Variants in MYCBP2 observed in about 807,000 individuals in gnomAD.
MYCBP2 encodes MYC binding protein 2, also known as E3 ubiquitin-protein ligase MYCBP2.
In MYCBP2, 120 loss-of-function variants were observed where a neutral mutation model predicts 525.3. That is an observed-to-expected ratio of 0.23 (90% CI 0.20 to 0.27). The LOEUF is 0.27. Ranked by LOEUF, MYCBP2 falls within the 10% of genes least tolerant of loss-of-function variation. The pLI is 1.00. For synonymous variants in MYCBP2, 1,894 were observed against 1,955.8 expected (o/e 0.97, Z 0.83); for missense variants, 4,149 against 5,657.1 (o/e 0.73, Z 8.55).
chr13:77,049,408 A>G (rs1430830560), intron 82 of MYCBP2, among the ~76,000 whole-genome samples: 1 of 152,086 alleles, frequency 6.6e-6, no homozygotes, highest in Non-Finnish European at 1.5e-5. Flanking sequence ...TTTGAAATGG[A>G]TAGTATATGT....
In MYCBP2 at chr13:77,174,314, T is replaced by C. The variant is rs2059412397; in HGVS notation, c.5648A>G (p.Tyr1883Cys). ...TTATCTCTATACATTCACCCACCTA[T>C]AGTAGAGTATCTGTGGGATCTGTCC... Reference protein sequence around the residue: ...TRGQIPQILYYRSEFDGDLQS... With the variant: ...TRGQIPQILYCRSEFDGDLQS... The change falls in exon 37 of 83, where the codon TAT (tyrosine) becomes TGT (cysteine). Residue 1883 changes from tyrosine to cysteine, a missense_variant. Coordinates refer to ENST00000544440, the MANE Select transcript of MYCBP2 (RefSeq NM_015057.5). The C allele has an allele frequency of 3.1e-6, 5 of 1,614,082 alleles. No homozygotes were observed. The African/African-American group carries it at 4.0e-5, about 13-fold the overall frequency.
intron 59 of MYCBP2, among the ~76,000 whole-genome samples, chr13:77,092,718 G>A (rs1033959582): frequency 9.2e-5 from 14 of 152,042 alleles, no homozygotes; most frequent in African/African-American, 1.9e-4. Flanking sequence ...GAGCCACAGC[G>A]CCTGGCCTCT....
chr13:77,178,051 A>T lies in MYCBP2; in HGVS notation c.5134-97T>A, dbSNP rs568677087. On this transcript the variant is annotated intron_variant, in intron 34 of 82. Coordinates refer to ENST00000544440, the MANE Select transcript of MYCBP2 (RefSeq NM_015057.5). ...AGTCTAATAAAATAACCTTTATTTA[A>T]TAAGTGGATATAAACATTCCTAAAG... 4.9e-4 allele frequency: 353 copies of T among 727,788 alleles called. 1 individual carries two copies. The African/African-American group carries it at 5.5e-3, about 11-fold the overall frequency. 45.1% of individuals were successfully genotyped at this position (727,788 alleles called of 1,614,324 possible). A position where few individuals can be genotyped will look rare whatever the true frequency, so the allele number is the denominator to read the frequency against.
At chr13:77,157,320 G>A (rs991064504) in intron 45 of MYCBP2, among the ~76,000 whole-genome samples, 3 of 152,050 alleles carry the variant, frequency 2.0e-5, no homozygotes, top group Non-Finnish European at 4.4e-5. Context: ...TGCCTCCAGG[G>A]TTTGAGCAAT....
intron 55 of MYCBP2, among the ~76,000 whole-genome samples, chr13:77,104,503 T>C (rs2047563238): frequency 6.6e-6 from 1 of 152,092 alleles, no homozygotes; most frequent in Non-Finnish European, 1.5e-5. Context: ...TACAGATGTG[T>C]CATTCTCCAT....
At chr13:77,131,821 A>T (rs1384191415) in intron 52 of MYCBP2, among the ~76,000 whole-genome samples, 3 of 152,186 alleles carry the variant, frequency 2.0e-5, no homozygotes, top group African/African-American at 7.2e-5. Context: ...GAATCTAACT[A>T]AATTAATGAA....
At chr13:77,182,880 T>A (rs909179922) in intron 32 of MYCBP2, among the ~76,000 whole-genome samples, 2 of 152,180 alleles carry the variant, frequency 1.3e-5, no homozygotes, top group Non-Finnish European at 2.9e-5. Context: ...GTAAGTGGGA[T>A]GTTGTTAGTG....
chr13:77,288,155 G>T lies in MYCBP2; in HGVS notation c.594+6C>A. 1 of 1,613,584 alleles carries T rather than the reference G, an allele frequency of 6.2e-7. No homozygotes were observed. The highest frequency in any genetic ancestry group is 8.5e-7 in the Non-Finnish European group (1 of 1,179,820). On this transcript the variant is annotated splice_donor_region_variant and intron_variant, in intron 3 of 82. Transcript: ENST00000544440. ...ATCTAAATATTAATAGAACTCAGTGGCTTACCTTTGGAAGCTTGATAGGGG... is the reference window on the plus strand; with the variant it reads ...ATCTAAATATTAATAGAACTCAGTGTCTTACCTTTGGAAGCTTGATAGGGG...
chr13:77,268,786 A>C (rs2074454534), intron 7 of MYCBP2, among the ~76,000 whole-genome samples: 1 of 152,170 alleles, frequency 6.6e-6, no homozygotes, highest in African/African-American at 2.4e-5. Context: ...ACTCCAAAAA[A>C]AAAAAAAAAT....
chr13:77,167,008 CA>C (rs1566780888), intron 40 of MYCBP2, among the ~76,000 whole-genome samples: 48 of 151,060 alleles, frequency 3.2e-4, no homozygotes, highest in African/African-American at 1.2e-3. Context: ...CACACACACA[CA>C]CACACACACA....
intron 1 of MYCBP2, among the ~76,000 whole-genome samples, chr13:77,325,432 G>A (rs1362799275): frequency 6.6e-6 from 1 of 152,154 alleles, no homozygotes; most frequent in East Asian, 1.9e-4. Flanking sequence ...AACCTTCAGG[G>A]TATGCGGCAT....
intron 14 of MYCBP2, among the ~76,000 whole-genome samples, chr13:77,254,382 T>C (rs1482227912): frequency 1.3e-5 from 2 of 151,860 alleles, no homozygotes; most frequent in Non-Finnish European, 3.0e-5. Context: ...GTGATTTTTT[T>C]TTAACTGAAA....
At chr13:77,090,396 C>T (rs985455775) in intron 59 of MYCBP2, 133 bp from the exon 60 acceptor site, 2 of 585,534 alleles carry the variant, frequency 3.4e-6, no homozygotes, top group Non-Finnish European at 2.7e-6. Flanking sequence ...TTGATAATCT[C>T]TCTTTAAATC....
chr13:77,234,060 T>A (rs561741582), intron 17 of MYCBP2, among the ~76,000 whole-genome samples: 7 of 151,916 alleles, frequency 4.6e-5, no homozygotes, highest in Non-Finnish European at 1.5e-5. Flanking sequence ...TCCACTTATA[T>A]GGTATTTAAG....
In MYCBP2 at chr13:77,098,934, T is replaced by C. The variant is rs762569346; in HGVS notation, c.8220A>G (p.Arg2740=). The change falls in exon 56 of 83, where the codon AGA becomes AGG. Residue 2740 remains arginine (R), a synonymous_variant. Transcript: ENST00000544440. ...TCATACGTCCATCAGGTTTAAGCGA[T>C]CTGCTGTGTTTAGAGGACAGCTCTG... ...GKSELSSKHS[R]SLKPDGRMSR... is the part of the protein sequence containing the mutation. 41 of 1,613,366 alleles carry C rather than the reference T, an allele frequency of 2.5e-5. No homozygotes were observed. The highest frequency in any genetic ancestry group is 3.4e-5 in the Non-Finnish European group (40 of 1,179,730).
At chr13:77,185,065 A>G (rs565767719) in intron 32 of MYCBP2, 38 bp downstream of exon 32, 1 of 1,581,792 alleles carries the variant, frequency 6.3e-7, no homozygotes, top group Middle Eastern at 1.7e-4. Flanking sequence ...TAAGCAATAT[A>G]TCAGATTTTC....
intron 51 of MYCBP2, 143 bp downstream of exon 51, chr13:77,139,904 C>T (rs897749869): frequency 9.4e-6 from 5 of 529,274 alleles, no homozygotes; most frequent in Non-Finnish European, 1.7e-5. Context: ...ACTCAATGAA[C>T]ACATTCTATA....
chr13:77,205,875 T>C (rs1170502614), intron 24 of MYCBP2, among the ~76,000 whole-genome samples: 1 of 152,178 alleles, frequency 6.6e-6, no homozygotes, highest in African/African-American at 2.4e-5. Context: ...TACAAGGTTC[T>C]TCCTTTTATG....
At chr13:77,295,451 C>T (rs555949569) in intron 2 of MYCBP2, among the ~76,000 whole-genome samples, 1 of 152,200 alleles carries the variant, frequency 6.6e-6, no homozygotes, top group South Asian at 2.1e-4. Flanking sequence ...ATTTCATCCC[C>T]GGATCCATCT....
Sources: allele counts gnomAD v4.1 joint callset (sites outside exome capture counted in the v4.1 genomes callset), GRCh38; gene constraint gnomAD v4.1.1; transcripts MANE v1.5; gene names NCBI Gene and HGNC (gene_info 2026-07-23, HGNC 2026-07-21).